The following PRKG1 variants were observed in gnomAD, a reference collection of about 807,000 sequenced individuals.
The protein encoded by PRKG1 is cGMP-dependent protein kinase 1.
PRKG1 carries 35 observed loss-of-function variants against 88.1 expected under a neutral mutation model. The observed-to-expected ratio is 0.40, with a 90% CI of 0.30 to 0.53. PRKG1 has a LOEUF of 0.53. Among genes scored for constraint, PRKG1 ranks in the 20% least tolerant of loss-of-function variants. The probability of loss-of-function intolerance (pLI) is 0.59; values close to 1 mark genes in which losing one functional copy is unlikely to be tolerated. For missense variants in PRKG1, 540 were observed against 839.8 expected, an observed-to-expected ratio of 0.64 and a Z score of 4.41; for synonymous variants, 303 against 292.5, an observed-to-expected ratio of 1.04 and a Z score of -0.37.
chr10:51,063,790 T>C (rs1434555785), intron 1 of PRKG1, among the ~76,000 whole-genome samples: 1 of 152,174 alleles, frequency 6.6e-6, no homozygotes, highest in Non-Finnish European at 1.5e-5. Context: ...GTTATTTTTA[T>C]AATGATTGTG....
chr10:51,868,046 T>C (rs1216859715), intron 4 of PRKG1, among the ~76,000 whole-genome samples: 1 of 152,090 alleles, frequency 6.6e-6, no homozygotes, highest in African/African-American at 2.4e-5. Flanking sequence ...GACTCACTGG[T>C]GCTTAGGTAA....
rs1376364544 is a variant in PRKG1 at position 52,060,835 on chromosome 10, T to C, written c.841-1702T>C. 3.3e-5 allele frequency among the ~76,000 whole-genome samples: 5 copies of C among 152,014 alleles called. No individual in the cohort carries two copies. In the South Asian group the frequency reaches 8.3e-4, roughly 25 times the overall value. On this transcript the variant is annotated intron_variant, in intron 6 of 17. Transcript: ENST00000373980. Reference sequence around the variant, plus strand: ...TCTTACCCATGGACACTAGAACACATGCATAAGAATGTTCACAGTAACACA... The same window carrying C: ...TCTTACCCATGGACACTAGAACACACGCATAAGAATGTTCACAGTAACACA...
intron 7 of PRKG1, among the ~76,000 whole-genome samples, chr10:52,121,437 T>C: frequency 6.6e-6 from 1 of 152,202 alleles, no homozygotes; most frequent in Non-Finnish European, 1.5e-5. Flanking sequence ...GTTTTCCAAA[T>C]CTTTCTATTC....
At chr10:52,041,659 T>C (rs941936429) in intron 5 of PRKG1, among the ~76,000 whole-genome samples, 1 of 152,196 alleles carries the variant, frequency 6.6e-6, no homozygotes, top group East Asian at 1.9e-4. Flanking sequence ...TAGTAGTTAT[T>C]GGCCTGTTTA....
At chr10:51,147,014 G>C (rs1164368889) in intron 1 of PRKG1, among the ~76,000 whole-genome samples, 1 of 152,116 alleles carries the variant, frequency 6.6e-6, no homozygotes, top group Non-Finnish European at 1.5e-5. Context: ...GAACCTGGAG[G>C]ACATTGTGTT....
At chr10:51,058,410 C>G (rs1459283924) in intron 1 of PRKG1, among the ~76,000 whole-genome samples, 1 of 151,968 alleles carries the variant, frequency 6.6e-6, no homozygotes, top group Non-Finnish European at 1.5e-5. Context: ...AGCCTCACAG[C>G]AAAATTGAGC....
intron 2 of PRKG1, among the ~76,000 whole-genome samples, chr10:51,182,881 A>T (rs1162130607): frequency 6.6e-6 from 1 of 152,088 alleles, no homozygotes; most frequent in Non-Finnish European, 1.5e-5. Flanking sequence ...GCTTTGTTTT[A>T]TCCTTGCTCC....
At chr10:51,177,911 T>C (rs1837239924) in intron 2 of PRKG1, among the ~76,000 whole-genome samples, 1 of 152,004 alleles carries the variant, frequency 6.6e-6, no homozygotes, top group Non-Finnish European at 1.5e-5. Context: ...ACTATAACCA[T>C]AGTGCCCACA....
chr10:51,969,305 G>A (rs2133086186), intron 5 of PRKG1, among the ~76,000 whole-genome samples: 1 of 152,190 alleles, frequency 6.6e-6, no homozygotes, highest in East Asian at 1.9e-4. Context: ...TCATCATCAT[G>A]CCTCATAACT....
intron 7 of PRKG1, among the ~76,000 whole-genome samples, chr10:52,124,674 A>G (rs1589627973): frequency 1.3e-5 from 2 of 152,250 alleles, no homozygotes; most frequent in South Asian, 4.1e-4. Context: ...GTAATTTTTT[A>G]CTTTATAAAC....
chr10:51,647,922 A>T (rs1777270317), intron 3 of PRKG1, among the ~76,000 whole-genome samples: 1 of 152,120 alleles, frequency 6.6e-6, no homozygotes, highest in Non-Finnish European at 1.5e-5. Context: ...CAGACTTAAA[A>T]GTCCATGCCC....
intron 1 of PRKG1, among the ~76,000 whole-genome samples, chr10:51,004,387 A>C (rs112651680): frequency 6.6e-6 from 1 of 152,290 alleles, no homozygotes; most frequent in Non-Finnish European, 1.5e-5. Flanking sequence ...TGAACCTGGG[A>C]GGTGGAGGTT....
intron 5 of PRKG1, among the ~76,000 whole-genome samples, chr10:52,006,971 C>T (rs752136347): frequency 2.0e-5 from 3 of 152,026 alleles, no homozygotes; most frequent in Non-Finnish European, 4.4e-5. Flanking sequence ...GACATGTATT[C>T]AGCTTTCTTA....
At chr10:51,231,997 A>G (rs77671639) in intron 2 of PRKG1, among the ~76,000 whole-genome samples, 4,361 of 152,292 alleles carry the variant, frequency 0.029, 101 homozygotes, top group Non-Finnish European at 0.046. Flanking sequence ...GTAAACAGTC[A>G]TATTTTTATT....
chr10:52,106,008 A>G (rs778297631), intron 7 of PRKG1, among the ~76,000 whole-genome samples: 1 of 152,080 alleles, frequency 6.6e-6, no homozygotes, highest in South Asian at 2.1e-4. Flanking sequence ...AGTTCATTGT[A>G]TCCTTCTTAT....
chr10:51,663,047 G>C (rs964145864), intron 3 of PRKG1, among the ~76,000 whole-genome samples: 1 of 151,986 alleles, frequency 6.6e-6, no homozygotes, highest in Non-Finnish European at 1.5e-5. Flanking sequence ...ATTAGAATTA[G>C]GTTTTAAATA....
At chr10:51,707,350 A>T (rs546630179) in intron 3 of PRKG1, among the ~76,000 whole-genome samples, 1 of 152,182 alleles carries the variant, frequency 6.6e-6, no homozygotes, top group African/African-American at 2.4e-5. Context: ...ACTCGAGCGC[A>T]TAGTCCTGTT....
intron 5 of PRKG1, among the ~76,000 whole-genome samples, chr10:51,928,371 C>T (rs1029569818): frequency 1.3e-5 from 2 of 152,168 alleles, no homozygotes; most frequent in East Asian, 1.9e-4. Context: ...GAACTATTAT[C>T]GTTTTCTGTC....
intron 3 of PRKG1, among the ~76,000 whole-genome samples, chr10:51,756,590 C>T (rs181259817): frequency 0.029 from 4,341 of 151,524 alleles, 103 homozygotes; most frequent in Non-Finnish European, 0.044. Context: ...CCGAGGTGGG[C>T]GGATAACGAG....
Sources: allele counts gnomAD v4.1 joint callset (sites outside exome capture counted in the v4.1 genomes callset), GRCh38; gene constraint gnomAD v4.1.1; transcripts MANE v1.5; gene names NCBI Gene and HGNC (gene_info 2026-07-23, HGNC 2026-07-21).